Variants in ZNF700 observed in about 807,000 individuals in gnomAD.
ZNF700 encodes the protein zinc finger protein 700.
Under a neutral mutation model 65.3 loss-of-function variants are expected in ZNF700, and 38 were observed. That is an observed-to-expected ratio of 0.58 (90% confidence interval 0.45 to 0.76). ZNF700 has a LOEUF of 0.76. ZNF700 is among the 30% of genes least tolerant of loss of function. The pLI is 0.00. For missense variants in ZNF700, 857 were observed against 888.4 expected (o/e 0.96, Z 0.45); for synonymous variants, 285 against 290.4 (o/e 0.98, Z 0.19).
In ZNF700 at chr19:11,928,583, T is replaced by A. The variant is rs545152557; in HGVS notation, c.63+3310T>A. Among the ~76,000 whole-genome samples the A allele has an allele frequency of 5.4e-5, 8 of 149,018 alleles. No individual in the cohort carries two copies. The South Asian group carries it at 1.7e-3, about 32-fold the overall frequency. ...CCGTCTCTACTAAAAATACAAAAAA[T>A]TAGCCGGGCGTAGTGGCGGGCGCCT... On this transcript the variant is annotated intron_variant, in intron 1 of 3. Coordinates refer to ENST00000254321, the MANE Select transcript of ZNF700 (RefSeq NM_144566.3).
chr19:11,949,411 G>T lies in ZNF700; in HGVS notation c.1387G>T (p.Val463Leu). 3 of 1,602,244 alleles carry T rather than the reference G, an allele frequency of 1.9e-6. No individual in the cohort carries two copies. The highest frequency in any genetic ancestry group is 2.6e-6 in the Non-Finnish European group (3 of 1,175,936). ...CTTCAGATCTACCTCACACCTTCGAGTGCATGGTAGGACTCATACTGGAGA... is the reference window on the plus strand; with the variant it reads ...CTTCAGATCTACCTCACACCTTCGATTGCATGGTAGGACTCATACTGGAGA... The part of the protein sequence containing the change: ...KAFRSTSHLR[V>L]HGRTHTGEKP... Residue 463 changes from valine to leucine, a missense_variant, in exon 4 of 4, where the codon GTG becomes TTG. Physicochemically the swap from Val to Leu is conservative, Grantham distance 32. Around this residue, in one of 3 missense-constraint regions of ZNF700, gnomAD observed 603 missense variants for 619.9 expected, o/e 0.97. Transcript: ENST00000254321.
intron 1 of ZNF700, among the ~76,000 whole-genome samples, chr19:11,937,249 T>C (rs1220321002): frequency 1.3e-5 from 2 of 152,206 alleles, no homozygotes; most frequent in African/African-American, 4.8e-5. Context: ...GGAGGTAGTT[T>C]TGTAAAAGGT....
intron 1 of ZNF700, among the ~76,000 whole-genome samples, chr19:11,927,432 AAAT>A (rs1972647209): frequency 6.9e-6 from 1 of 145,434 alleles, no homozygotes; most frequent in South Asian, 2.1e-4. Flanking sequence ...TTAAATAAAT[AAAT>A]AAATAAATAA....
chr19:11,938,424 CCT>C (rs1168799932), intron 1 of ZNF700, among the ~76,000 whole-genome samples: 2 of 152,048 alleles, frequency 1.3e-5, no homozygotes, highest in African/African-American at 2.4e-5. Flanking sequence ...GTGATGTTCC[CCT>C]CCCTGGGTCC....
chr19:11,950,456 C>A lies in ZNF700; in HGVS notation c.*203C>A. The stretch of plus-strand genomic sequence containing the variant: ...TTTCAATGTCATGAAAGGACTCACA[C>A]GGGAGAGAAACCCTATGAGTGTATT... On this transcript the variant is annotated 3_prime_UTR_variant, in exon 4 of 4. Transcript: ENST00000254321. 1.4e-6 allele frequency: 1 copy of A among 709,160 alleles called. No individual in the cohort carries two copies. Among genetic ancestry groups the A allele is most frequent in the Non-Finnish European group, 2.5e-6 (1 of 395,442 alleles). 43.9% of individuals were successfully genotyped at this position (709,160 alleles called of 1,614,324 possible). A position where few individuals can be genotyped will look rare whatever the true frequency, so the allele number is the denominator to read the frequency against.
At chr19:11,930,755 C>G (rs977490027) in intron 1 of ZNF700, among the ~76,000 whole-genome samples, 3 of 148,150 alleles carry the variant, frequency 2.0e-5, no homozygotes, top group Non-Finnish European at 4.4e-5. Flanking sequence ...AATACCAGCA[C>G]TTTGGGAGGC....
At chr19:11,940,041 C>T (rs1247198547) in intron 1 of ZNF700, 1 of 151,596 alleles carries the variant, frequency 6.6e-6, no homozygotes, top group Non-Finnish European at 1.5e-5. Context: ...AAGCAATTCT[C>T]CTGTCTCAGC....
intron 1 of ZNF700, among the ~76,000 whole-genome samples, chr19:11,931,893 A>G (rs1473055657): frequency 6.7e-6 from 1 of 148,174 alleles, no homozygotes; most frequent in Non-Finnish European, 1.5e-5. Flanking sequence ...ATGCATGCAG[A>G]TAGCCTGAGT....
Position 11,950,497 on chromosome 19 carries a change from A to G in ZNF700, c.*244A>G, listed in dbSNP as rs1973050506. On this transcript the variant is annotated 3_prime_UTR_variant, in exon 4 of 4. Coordinates refer to ENST00000254321, the MANE Select transcript of ZNF700 (RefSeq NM_144566.3). ...TGAGTGTATTCTAGTTCCGTTTGAT[A>G]TCATGAAAGGACTTACACTGGAGTG... 3 of 637,598 alleles carry G rather than the reference A, an allele frequency of 4.7e-6. No homozygotes were observed. Among genetic ancestry groups the G allele is most frequent in the Non-Finnish European group, 8.7e-6 (3 of 345,632 alleles). The allele number at this position is 637,598 out of a possible 1,614,324, so 39.5% of individuals were successfully genotyped here. A position where few individuals can be genotyped will look rare whatever the true frequency, so the allele number is the denominator to read the frequency against.
Position 11,949,555 on chromosome 19 carries a change from A to C in ZNF700, c.1531A>C (p.Ser511Arg). ...MPSGERPYKC[S>R]ICEKGFYSAK... The stretch of plus-strand genomic sequence containing the variant: ...CTCTGGAGAAAGACCTTATAAATGT[A>C]GTATATGTGAGAAAGGCTTTTATTC... The change falls in exon 4 of 4, where the codon AGT becomes CGT. Residue 511 changes from serine to arginine, a missense_variant. This residue lies in a region of ZNF700 where 603 missense variants were observed against 619.9 expected (regional missense o/e 0.97). Coordinates refer to ENST00000254321, the MANE Select transcript of ZNF700 (RefSeq NM_144566.3). 6.2e-7 allele frequency: 1 copy of C among 1,611,484 alleles called. No individual in the cohort carries two copies. The highest frequency in any genetic ancestry group is 8.5e-7 in the Non-Finnish European group (1 of 1,179,504).
At position 11,948,216 on chromosome 19, in the gene ZNF700, T is replaced by G. The variant is rs966937307; in HGVS notation, c.252-60T>G. ...TTAAAAATGCAAGTGCAATACTTGT[T>G]GATTAATATAGAAGTACTTGTAAAC... On this transcript the variant is annotated intron_variant, in intron 3 of 3. Coordinates refer to ENST00000254321, the MANE Select transcript of ZNF700 (RefSeq NM_144566.3). 7.1e-6 allele frequency: 11 copies of G among 1,551,548 alleles called. No individual in the cohort carries two copies. The South Asian group carries it at 1.2e-4, about 17-fold the overall frequency.
chr19:11,925,556 AGAT>A (rs1333317291), intron 1 of ZNF700, among the ~76,000 whole-genome samples: 1 of 152,090 alleles, frequency 6.6e-6, no homozygotes, highest in African/African-American at 2.4e-5. Flanking sequence ...GCGTCTCCCC[AGAT>A]TGTGCGGAAG....
At chr19:11,947,422 G>A in intron 2 of ZNF700, 92 bp from the exon 3 acceptor site, 1 of 1,601,024 alleles carries the variant, frequency 6.2e-7, no homozygotes, top group Non-Finnish European at 8.5e-7. Context: ...AATAAATGAG[G>A]CATGGCTGCA....
chr19:11,930,660 A>T (rs1344082715), intron 1 of ZNF700, among the ~76,000 whole-genome samples: 1 of 148,278 alleles, frequency 6.7e-6, no homozygotes, highest in Non-Finnish European at 1.5e-5. Flanking sequence ...CACCACTTGT[A>T]TCATTGGCTG....
Position 11,949,567 on chromosome 19 carries a change from A to T in ZNF700, c.1543A>T (p.Lys515Ter). The change falls in exon 4 of 4, where the codon AAA (lysine) becomes TAA (stop). Residue 515 changes from lysine to a stop codon, truncating the protein, a stop_gained. Coordinates refer to ENST00000254321, the MANE Select transcript of ZNF700 (RefSeq NM_144566.3). LOFTEE classifies it high-confidence loss of function. Reference protein sequence around the residue: ...ERPYKCSICEKGFYSAKSFQT... With the variant: ...ERPYKCSICE ...ACCTTATAAATGTAGTATATGTGAGAAAGGCTTTTATTCTGCCAAGTCATT... is the reference window on the plus strand; with the variant it reads ...ACCTTATAAATGTAGTATATGTGAGTAAGGCTTTTATTCTGCCAAGTCATT... The T allele has an allele frequency of 1.2e-6, 2 of 1,612,220 alleles. No individual in the cohort carries two copies. The highest frequency in any genetic ancestry group is 1.7e-6 in the Non-Finnish European group (2 of 1,179,644).
At position 11,948,414 on chromosome 19, in the gene ZNF700, G is replaced by C. The variant is rs975617007; in HGVS notation, c.390G>C (p.Val130=). ...AAGTAAAATCATGTGACAGCTTTGT[G>C]TGTGCAGAAGTTGGCATAGGTAACT... The part of the protein sequence containing the change: ...SPEVKSCDSF[V]CAEVGIGNSS... The change falls in exon 4 of 4, where the codon GTG becomes GTC. Residue 130 remains valine, a synonymous_variant. Coordinates refer to ENST00000254321, the MANE Select transcript of ZNF700 (RefSeq NM_144566.3). 4.3e-6 allele frequency: 7 copies of C among 1,614,054 alleles called. No individual in the cohort carries two copies. The highest frequency in any genetic ancestry group is 5.9e-6 in the Non-Finnish European group (7 of 1,180,024).
chr19:11,936,718 T>A (rs911406919), intron 1 of ZNF700, among the ~76,000 whole-genome samples: 8 of 152,212 alleles, frequency 5.3e-5, no homozygotes, highest in Non-Finnish European at 8.8e-5. Flanking sequence ...CAATTTTGGC[T>A]TCTGTTGCCA....
intron 1 of ZNF700, among the ~76,000 whole-genome samples, chr19:11,937,485 C>CT (rs201686844): frequency 0.049 from 6,724 of 138,234 alleles, 544 homozygotes; most frequent in African/African-American, 0.12. Context: ...TTCTTTTTTT[C>CT]TTTCCTTTTT....
At chr19:11,941,516 A>C (rs1193809054) in intron 1 of ZNF700, among the ~76,000 whole-genome samples, 3 of 152,142 alleles carry the variant, frequency 2.0e-5, no homozygotes, top group African/African-American at 7.2e-5. Context: ...GACCCAGTAC[A>C]CCCTCTGCAG....
Sources: gnomAD v4.1 joint callset for allele counts (sites outside exome capture counted in the v4.1 genomes callset) on GRCh38, gnomAD v4.1.1 for gene constraint, gnomAD v4.1.1 regional missense constraint, MANE v1.5 for transcripts, NCBI Gene and HGNC (gene_info 2026-07-23, HGNC 2026-07-21) for gene names.